Variants in COG5 observed in about 807,000 individuals in gnomAD.
The protein encoded by COG5 is conserved oligomeric Golgi complex subunit 5.
In COG5, 86 loss-of-function variants were observed where a neutral mutation model predicts 110.4. That is an observed-to-expected ratio of 0.78 (90% CI 0.65 to 0.93). COG5 has a LOEUF of 0.93. Ranked by LOEUF, COG5 falls within the 40% of genes least tolerant of loss-of-function variation. COG5 has a pLI of 0.00. For missense variants in COG5, 1,077 were observed against 987.0 expected, an observed-to-expected ratio of 1.09 and a Z score of -1.22; for synonymous variants, 360 against 334.6, an observed-to-expected ratio of 1.08 and a Z score of -0.83.
At chr7:107,512,471 C>A (rs1452741006) in intron 6 of COG5, among the ~76,000 whole-genome samples, 2 of 152,020 alleles carry the variant, frequency 1.3e-5, no homozygotes, top group South Asian at 4.1e-4. Flanking sequence ...GCCATACTGC[C>A]CAAGGTAATT....
intron 6 of COG5, among the ~76,000 whole-genome samples, chr7:107,423,241 A>G (rs4727676): frequency 0.073 from 11,157 of 152,232 alleles, 533 homozygotes; most frequent in East Asian, 0.17. Flanking sequence ...CTTTTGTAAA[A>G]GATTTTAGTC....
intron 6 of COG5, among the ~76,000 whole-genome samples, chr7:107,417,062 C>T (rs1030302912): frequency 2.0e-5 from 3 of 152,110 alleles, no homozygotes; most frequent in Non-Finnish European, 4.4e-5. Context: ...ATATCCTCCT[C>T]CTGGATATTT....
rs1440024081 is a variant in COG5 at position 107,202,380 on chromosome 7, A to C, written c.*1136T>G. ...AGCTACAATCATGGCTTTTCATGTT[A>C]CTTACCAAGTGGTGTTTCTGGTTAG... is the stretch of plus-strand genomic sequence containing the variant. On this transcript the variant is annotated 3_prime_UTR_variant, in exon 22 of 22. Transcript: ENST00000297135. 6.6e-6 allele frequency: 1 copy of C among 152,658 alleles called. No individual in the cohort carries two copies. The highest frequency in any genetic ancestry group is 1.5e-5 in the Non-Finnish European group (1 of 68,052). 9.5% of individuals were successfully genotyped at this position (152,658 alleles called of 1,614,324 possible).
intron 8 of COG5, among the ~76,000 whole-genome samples, chr7:107,367,569 T>TACACAC (rs146551030): frequency 6.6e-6 from 1 of 150,710 alleles, no homozygotes; most frequent in Admixed American, 6.6e-5. Context: ...TGTATATATA[T>TACACAC]ACACACACAC....
intron 14 of COG5, among the ~76,000 whole-genome samples, chr7:107,274,219 A>C (rs1208556854): frequency 6.6e-6 from 1 of 152,168 alleles, no homozygotes; most frequent in Non-Finnish European, 1.5e-5. Flanking sequence ...GCTTGAGCCT[A>C]GGAGTTTGGG....
intron 6 of COG5, among the ~76,000 whole-genome samples, chr7:107,458,796 T>C (rs1455330321): frequency 1.3e-5 from 2 of 152,090 alleles, no homozygotes; most frequent in Non-Finnish European, 2.9e-5. Flanking sequence ...GAAGTCAAAG[T>C]TGCAGTGAGC....
At chr7:107,559,376 C>T (rs1288384129) in intron 1 of COG5, among the ~76,000 whole-genome samples, 5 of 152,154 alleles carry the variant, frequency 3.3e-5, no homozygotes, top group African/African-American at 1.2e-4. Context: ...ACAGTAGATA[C>T]AAGTAAAGCT....
chr7:107,361,620 G>A (rs1399650514), intron 10 of COG5, among the ~76,000 whole-genome samples: 1 of 152,152 alleles, frequency 6.6e-6, no homozygotes, highest in Non-Finnish European at 1.5e-5. Context: ...GGAGTGCAGT[G>A]GCGTGACCTC....
chr7:107,317,837 C>G (rs1408092639), intron 11 of COG5, among the ~76,000 whole-genome samples: 1 of 152,218 alleles, frequency 6.6e-6, no homozygotes, highest in African/African-American at 2.4e-5. Context: ...TTAGAATGAG[C>G]GGACAAGGGC....
intron 6 of COG5, among the ~76,000 whole-genome samples, chr7:107,521,191 C>T (rs1462135299): frequency 6.6e-6 from 1 of 152,092 alleles, no homozygotes; most frequent in Non-Finnish European, 1.5e-5. Context: ...TATAAAAACG[C>T]TAGATGAAAA....
At chr7:107,274,502 C>T (rs900502502) in intron 14 of COG5, among the ~76,000 whole-genome samples, 1 of 151,914 alleles carries the variant, frequency 6.6e-6, no homozygotes, top group Non-Finnish European at 1.5e-5. Flanking sequence ...TCTCCTGTGC[C>T]CCGTCTTCAC....
intron 6 of COG5, among the ~76,000 whole-genome samples, chr7:107,460,482 C>T (rs1237054040): frequency 4.6e-5 from 7 of 151,298 alleles, no homozygotes; most frequent in Non-Finnish European, 7.4e-5. Context: ...CTGAACTAAG[C>T]GATATAAAAT....
intron 6 of COG5, among the ~76,000 whole-genome samples, chr7:107,414,703 CTTTTTTTTTTTTTTTTTTTTT>C (rs530323655): frequency 1.1e-3 from 69 of 61,714 alleles, no homozygotes; most frequent in Non-Finnish European, 1.8e-3. Context: ...CTCACTGTCC[CTTTTTTTTTTTTTTTTTTTTT>C]TTTTTTTTTT....
At chr7:107,261,145 T>C (rs1803310010) in intron 14 of COG5, among the ~76,000 whole-genome samples, 1 of 152,132 alleles carries the variant, frequency 6.6e-6, no homozygotes. Context: ...GAATAGGGTA[T>C]TTTTGATCTG....
At chr7:107,504,833 T>C (rs1310882041) in intron 6 of COG5, among the ~76,000 whole-genome samples, 2 of 152,162 alleles carry the variant, frequency 1.3e-5, no homozygotes, top group Non-Finnish European at 2.9e-5. Context: ...TTCTGTGGCA[T>C]TGGTTGTAAT....
In COG5 at chr7:107,218,983, C is replaced by T. The variant is rs144468103; in HGVS notation, c.2169-7758G>A. Among the ~76,000 whole-genome samples the T allele has an allele frequency of 4.2e-3, 632 of 151,968 alleles. 6 individuals carry two copies. The highest frequency in any genetic ancestry group is 0.014 in the African/African-American group (583 of 41,488). ...AAGAAGCTAACATTCAAAATCTATACGGAACACAAAAATGGCAAGAAAACT... is the reference window on the plus strand; with the variant it reads ...AAGAAGCTAACATTCAAAATCTATATGGAACACAAAAATGGCAAGAAAACT... On this transcript the variant is annotated intron_variant, in intron 19 of 21. Coordinates refer to ENST00000297135, the MANE Select transcript of COG5 (RefSeq NM_006348.5).
intron 21 of COG5, chr7:107,210,213 G>C (rs1378127828): frequency 1.6e-6 from 2 of 1,214,786 alleles, no homozygotes; most frequent in Non-Finnish European, 2.1e-6. Flanking sequence ...AAGATGCGGA[G>C]CTAGGGCAAA....
At chr7:107,229,472 T>C (rs191312484) in intron 19 of COG5, among the ~76,000 whole-genome samples, 14 of 152,246 alleles carry the variant, frequency 9.2e-5, no homozygotes, top group Non-Finnish European at 1.5e-5. Flanking sequence ...CTTCTTCTGT[T>C]TGTGCTATGA....
chr7:107,234,737 A>T (rs1016085002), intron 18 of COG5, among the ~76,000 whole-genome samples: 2 of 152,112 alleles, frequency 1.3e-5, no homozygotes, highest in Non-Finnish European at 2.9e-5. Context: ...TAAGGAGGAA[A>T]GGGGAAGAGG....
Sources: gnomAD v4.1 joint callset for allele counts (sites outside exome capture counted in the v4.1 genomes callset) on GRCh38, gnomAD v4.1.1 for gene constraint, MANE v1.5 for transcripts, NCBI Gene and HGNC (gene_info 2026-07-23, HGNC 2026-07-21) for gene names.